Variants in TBL1X observed in about 807,000 individuals in gnomAD.
The protein encoded by TBL1X is transducin beta like 1 X-linked.
TBL1X carries 10 observed loss-of-function variants against 50.7 expected under a neutral mutation model. The ratio of observed to expected loss-of-function variants is 0.20; its 90% CI spans 0.12 to 0.33. The LOEUF is 0.33. Ranked by LOEUF, TBL1X falls within the 10% of genes least tolerant of loss-of-function variation. The pLI, the probability that TBL1X is intolerant of heterozygous loss-of-function variation, is 1.00. For synonymous variants in TBL1X, 190 were observed against 214.7 expected, an observed-to-expected ratio of 0.88 and a Z score of 1.01; for missense variants, 340 against 504.4, an observed-to-expected ratio of 0.67 and a Z score of 3.12.
rs765869283 is a variant in TBL1X at position 9,494,724 on chromosome X, C to T, written c.-200-7056C>T. Among the ~76,000 whole-genome samples the T allele has an allele frequency of 6.2e-5, 7 of 112,009 alleles. No homozygotes were observed. In the South Asian group the frequency reaches 1.1e-3, roughly 18 times the overall value. ...TGATACATTTGGTCCTTTTAGAATT[C>T]GGGCTAGAACAATTCTCCATGAAGG... On this transcript the variant is annotated intron_variant, in intron 1 of 17. Transcript: ENST00000645353.
intron 5 of TBL1X, among the ~76,000 whole-genome samples, chrX:9,675,110 G>A (rs1425029670): frequency 6.2e-5 from 7 of 112,173 alleles, no homozygotes; most frequent in Admixed American, 4.7e-4. Flanking sequence ...AAATGTGGAG[G>A]CCACAAGAGA....
chrX:9,686,958 C>T (rs1449357773), intron 6 of TBL1X, among the ~76,000 whole-genome samples: 1 of 112,226 alleles, frequency 8.9e-6, no homozygotes, highest in African/African-American at 3.2e-5. Flanking sequence ...TGAATATTGT[C>T]TTGTAATCAG....
chrX:9,678,330 C>T (rs954795770), intron 5 of TBL1X, among the ~76,000 whole-genome samples: 4 of 111,546 alleles, frequency 3.6e-5, no homozygotes, highest in Admixed American at 9.6e-5. Context: ...GTTGCACCTA[C>T]TCAACTCTCC....
intron 2 of TBL1X, among the ~76,000 whole-genome samples, chrX:9,525,276 A>G (rs2082126518): frequency 8.9e-6 from 1 of 111,947 alleles, no homozygotes; most frequent in African/African-American, 3.3e-5. Context: ...CCAAATTCCC[A>G]TTAGACTTGA....
At chrX:9,559,976 T>C (rs951079804) in intron 2 of TBL1X, among the ~76,000 whole-genome samples, 9 of 111,796 alleles carry the variant, frequency 8.1e-5, no homozygotes, top group African/African-American at 2.6e-4. Context: ...CTCCGGTTTA[T>C]AGTTTTGATG....
At chrX:9,510,444 G>C (rs914327006) in intron 2 of TBL1X, among the ~76,000 whole-genome samples, 1 of 111,924 alleles carries the variant, frequency 8.9e-6, no homozygotes, top group Non-Finnish European at 1.9e-5. Context: ...CCTTTGAACA[G>C]GTGCTTTAGA....
intron 2 of TBL1X, among the ~76,000 whole-genome samples, chrX:9,587,104 G>C (rs1252651829): frequency 8.9e-6 from 1 of 111,913 alleles, no homozygotes; most frequent in Non-Finnish European, 1.9e-5. Context: ...AGGGCTACCC[G>C]CGTGCAGCCC....
chrX:9,480,757 A>AACCCC (rs2081877214), intron 1 of TBL1X, among the ~76,000 whole-genome samples: 2 of 46,902 alleles, frequency 4.3e-5, no homozygotes, highest in Non-Finnish European at 8.5e-5. Context: ...AAATTAAGCC[A>AACCCC]CCCCCCCCCC....
At chrX:9,619,800 C>T (rs774811592) in intron 2 of TBL1X, among the ~76,000 whole-genome samples, 36 of 111,615 alleles carry the variant, frequency 3.2e-4, no homozygotes, top group African/African-American at 1.1e-3. Flanking sequence ...GAGCTTACAT[C>T]CTCATGCTTG....
intron 2 of TBL1X, among the ~76,000 whole-genome samples, chrX:9,563,476 T>A (rs1034212204): frequency 3.5e-5 from 4 of 112,705 alleles, no homozygotes; most frequent in Admixed American, 1.9e-4. Context: ...TATACTCAAT[T>A]TTTTCTTCTG....
chrX:9,659,191 G>A (rs2082882793), intron 5 of TBL1X, among the ~76,000 whole-genome samples: 1 of 112,176 alleles, frequency 8.9e-6, no homozygotes, highest in African/African-American at 3.2e-5. Flanking sequence ...AATGCGCGGA[G>A]CTGGCTTGAG....
chrX:9,467,895 G>A (rs1212779497), intron 1 of TBL1X, among the ~76,000 whole-genome samples: 1 of 112,220 alleles, frequency 8.9e-6, no homozygotes, highest in Non-Finnish European at 1.9e-5. Flanking sequence ...AGATCTCCAG[G>A]GGAGAAAGAC....
At chrX:9,560,797 T>C (rs2082321460) in intron 2 of TBL1X, among the ~76,000 whole-genome samples, 1 of 111,596 alleles carries the variant, frequency 9.0e-6, no homozygotes, top group African/African-American at 3.3e-5. Flanking sequence ...TTTTTACGGA[T>C]GGAAAACCCC....
rs191619569 is a variant in TBL1X at position 9,568,358 on chromosome X, C to T, written c.-131+66509C>T. Among the ~76,000 whole-genome samples the T allele has an allele frequency of 7.2e-3, 758 of 104,790 alleles. 2 individuals are homozygous for T. The highest frequency in any genetic ancestry group is 0.02 in the Middle Eastern group (4 of 197). The allele number at this position is 104,790 out of a possible 115,157, so 91.0% of individuals were successfully genotyped here. On this transcript the variant is annotated intron_variant, in intron 2 of 17. Transcript: ENST00000645353. ...TGTGTATGTTGTGTGTGTCTGTGCACGTGCTGTGCGGCATGCTGTGTATGT... is the reference window on the plus strand; with the variant it reads ...TGTGTATGTTGTGTGTGTCTGTGCATGTGCTGTGCGGCATGCTGTGTATGT...
intron 1 of TBL1X, among the ~76,000 whole-genome samples, chrX:9,498,170 G>A (rs2081982577): frequency 9.0e-6 from 1 of 111,709 alleles, no homozygotes; most frequent in Non-Finnish European, 1.9e-5. Context: ...TCAATAACAT[G>A]GATACCTACA....
chrX:9,654,344 C>T lies in TBL1X; in HGVS notation c.211+22C>T, dbSNP rs775938372. ...TCAGGTAAGAGGCTTGGTTTTCTGT[C>T]GGTAGGAAATTCATCTACAGCATCT... On this transcript the variant is annotated intron_variant, in intron 5 of 17. Transcript: ENST00000645353. 1.0e-5 allele frequency: 12 copies of T among 1,197,795 alleles called. No individual in the cohort carries two copies. In the East Asian group the frequency reaches 3.3e-4, roughly 33 times the overall value.
At chrX:9,667,810 C>G (rs762441875) in intron 5 of TBL1X, among the ~76,000 whole-genome samples, 1 of 111,484 alleles carries the variant, frequency 9.0e-6, no homozygotes, top group African/African-American at 3.3e-5. Flanking sequence ...TTTTTTCCTT[C>G]GTAAAATTTT....
chrX:9,505,839 C>A (rs1417861493), intron 2 of TBL1X, among the ~76,000 whole-genome samples: 1 of 112,100 alleles, frequency 8.9e-6, no homozygotes, highest in Non-Finnish European at 1.9e-5. Context: ...GACTTAGACT[C>A]CCACACAATA....
chrX:9,593,041 C>T (rs1464646998), intron 2 of TBL1X, among the ~76,000 whole-genome samples: 1 of 111,590 alleles, frequency 9.0e-6, no homozygotes, highest in African/African-American at 3.3e-5. Flanking sequence ...GGTGCTGTGT[C>T]TCAGGTATAC....
Sources: gnomAD v4.1 joint callset for allele counts (sites outside exome capture counted in the v4.1 genomes callset) on GRCh38, gnomAD v4.1.1 for gene constraint, MANE v1.5 for transcripts, NCBI Gene and HGNC (gene_info 2026-07-23, HGNC 2026-07-21) for gene names.